The following PCDH15 variants were observed in gnomAD, a reference collection of about 807,000 sequenced individuals.
The protein encoded by PCDH15 is protocadherin related 15, also known as protocadherin-15.
Under a neutral mutation model 178.5 loss-of-function variants are expected in PCDH15, and 129 were observed. That is an observed-to-expected ratio of 0.72 (90% CI 0.63 to 0.84). The LOEUF (loss-of-function observed/expected upper bound fraction) is 0.84, where lower values mean the gene tolerates loss of function less well. PCDH15 is among the 40% of genes least tolerant of loss of function. PCDH15 has a pLI of 0.00. For missense variants in PCDH15, 2,230 were observed against 2,099.9 expected, an observed-to-expected ratio of 1.06 and a Z score of -1.21; for synonymous variants, 800 against 732.0, an observed-to-expected ratio of 1.09 and a Z score of -1.50.
At chr10:54,465,798 C>T (rs2077479023) in intron 3 of PCDH15, among the ~76,000 whole-genome samples, 1 of 151,928 alleles carries the variant, frequency 6.6e-6, no homozygotes. Flanking sequence ...TCTATATTTA[C>T]ATTTTTGAGA....
chr10:53,897,638 C>T (rs988153854), intron 26 of PCDH15, among the ~76,000 whole-genome samples: 4 of 150,088 alleles, frequency 2.7e-5, no homozygotes, highest in Non-Finnish European at 5.9e-5. Flanking sequence ...ATGCTCAAAA[C>T]GTCTTCTTCT....
intron 2 of PCDH15, among the ~76,000 whole-genome samples, chr10:55,493,629 G>T (rs986282124): frequency 6.6e-6 from 1 of 151,514 alleles, no homozygotes; most frequent in Admixed American, 6.6e-5. Flanking sequence ...GCTGAAAAAA[G>T]AAATATGTGA....
intron 2 of PCDH15, among the ~76,000 whole-genome samples, chr10:55,465,325 T>G (rs1471831404): frequency 6.6e-6 from 1 of 152,130 alleles, no homozygotes; most frequent in African/African-American, 2.4e-5. Flanking sequence ...GGAACCTGTT[T>G]AATAATTTAG....
At chr10:53,884,931 C>T (rs889327092) in intron 26 of PCDH15, among the ~76,000 whole-genome samples, 23 of 152,004 alleles carry the variant, frequency 1.5e-4, no homozygotes, top group Admixed American at 1.5e-3. Flanking sequence ...CATAATATAC[C>T]ATTAATACTC....
chr10:55,096,729 G>A (rs1455815398), intron 2 of PCDH15, among the ~76,000 whole-genome samples: 1 of 151,986 alleles, frequency 6.6e-6, no homozygotes, highest in African/African-American at 2.4e-5. Flanking sequence ...ATGAGATAAT[G>A]CAGTATTTGT....
At position 53,922,557 on chromosome 10, in the gene PCDH15, T is replaced by C. The variant is rs181568556; in HGVS notation, c.3373+16258A>G. ...ATACAATTTTTATGTATCTACTTTT[T>C]CTCTGCTTTTCTATTAAGGTAATTT... On this transcript the variant is annotated intron_variant, in intron 25 of 37. Transcript: ENST00000644397. 2.7e-3 allele frequency among the ~76,000 whole-genome samples: 408 copies of C among 152,316 alleles called. 2 individuals are homozygous for C. Among genetic ancestry groups the C allele is most frequent in the African/African-American group, 9.5e-3 (393 of 41,576 alleles).
chr10:54,070,578 C>A (rs1255916985), intron 17 of PCDH15, among the ~76,000 whole-genome samples: 1 of 151,654 alleles, frequency 6.6e-6, no homozygotes, highest in East Asian at 1.9e-4. Context: ...AATATAGCAT[C>A]TTTTTTTATT....
intron 10 of PCDH15, among the ~76,000 whole-genome samples, chr10:54,207,597 T>C (rs924902546): frequency 6.6e-6 from 1 of 152,068 alleles, no homozygotes; most frequent in African/African-American, 2.4e-5. Flanking sequence ...GTTGCTGTTC[T>C]CATGATGTGT....
chr10:54,444,173 C>G (rs530168920), intron 3 of PCDH15, among the ~76,000 whole-genome samples: 1 of 151,696 alleles, frequency 6.6e-6, no homozygotes, highest in African/African-American at 2.4e-5. Flanking sequence ...AAATTGGTAT[C>G]TGAAAAAAAT....
At chr10:54,718,604 T>C (rs7084866) in intron 1 of PCDH15, among the ~76,000 whole-genome samples, 18,381 of 150,154 alleles carry the variant, frequency 0.12, 1,247 homozygotes, top group African/African-American at 0.17. Context: ...ATAGCTTATC[T>C]AGATGATAAA....
intron 1 of PCDH15, among the ~76,000 whole-genome samples, chr10:54,773,979 G>GTC (rs1302297291): frequency 7.7e-6 from 1 of 130,436 alleles, no homozygotes; most frequent in Non-Finnish European, 1.6e-5. Context: ...TAAAAGTCAA[G>GTC]TCTAGATGAA....
chr10:54,830,591 G>C (rs1953206334), intron 3 of PCDH15, among the ~76,000 whole-genome samples: 1 of 151,774 alleles, frequency 6.6e-6, no homozygotes, highest in Admixed American at 6.6e-5. Context: ...TTGTGGGGTG[G>C]GGGTAGGGGG....
chr10:54,201,397 G>A (rs1390735192), intron 10 of PCDH15, among the ~76,000 whole-genome samples: 6 of 151,674 alleles, frequency 4.0e-5, no homozygotes, highest in Non-Finnish European at 5.9e-5. Context: ...ATAAATTTAT[G>A]AAATATTTTT....
intron 15 of PCDH15, among the ~76,000 whole-genome samples, chr10:54,117,005 C>T (rs978535668): frequency 5.9e-5 from 9 of 152,108 alleles, no homozygotes; most frequent in African/African-American, 2.2e-4. Context: ...ATCACAGGAG[C>T]TTTGGTGTTG....
At chr10:54,768,907 A>T (rs1340022890) in intron 1 of PCDH15, among the ~76,000 whole-genome samples, 1 of 152,124 alleles carries the variant, frequency 6.6e-6, no homozygotes, top group African/African-American at 2.4e-5. Flanking sequence ...AAACCTAAAT[A>T]GTGTTCTGTG....
chr10:54,436,645 T>G (rs765333119), intron 3 of PCDH15, among the ~76,000 whole-genome samples: 83 of 152,276 alleles, frequency 5.5e-4, no homozygotes, highest in Non-Finnish European at 8.7e-4. Flanking sequence ...CCCCTTTTGT[T>G]AGTTCTGATC....
At chr10:53,861,003 C>G (rs1393170981) in intron 27 of PCDH15, among the ~76,000 whole-genome samples, 3 of 152,026 alleles carry the variant, frequency 2.0e-5, no homozygotes, top group Non-Finnish European at 4.4e-5. Flanking sequence ...TTTTAAATCT[C>G]CTGAATGTGC....
At chr10:54,959,468 G>T (rs960115635) in intron 2 of PCDH15, among the ~76,000 whole-genome samples, 1 of 151,878 alleles carries the variant, frequency 6.6e-6, no homozygotes, top group African/African-American at 2.4e-5. Flanking sequence ...TGGGGAACAG[G>T]AAAATTTTAA....
intron 1 of PCDH15, among the ~76,000 whole-genome samples, chr10:55,234,580 C>G (rs1041921370): frequency 3.3e-5 from 5 of 151,818 alleles, no homozygotes; most frequent in African/African-American, 1.2e-4. Flanking sequence ...GGGGTCTCAC[C>G]ATGTTGCCGA....
Sources: allele counts gnomAD v4.1 joint callset (sites outside exome capture counted in the v4.1 genomes callset), GRCh38; gene constraint gnomAD v4.1.1; transcripts MANE v1.5; gene names NCBI Gene and HGNC (gene_info 2026-07-23, HGNC 2026-07-21).